Variants in FGF14 observed in about 807,000 individuals in gnomAD.
The protein encoded by FGF14 is fibroblast growth factor 14.
FGF14 carries 5 observed loss-of-function variants against 25.5 expected under a neutral mutation model. That is an observed-to-expected ratio of 0.20 (90% CI 0.10 to 0.41). The LOEUF (loss-of-function observed/expected upper bound fraction) is 0.41, where lower values mean the gene tolerates loss of function less well. Ranked by LOEUF, FGF14 falls within the 10% of genes least tolerant of loss-of-function variation. FGF14 has a pLI of 1.00. For synonymous variants in FGF14, 138 were observed against 118.3 expected (o/e 1.17, Z -1.08); for missense variants, 222 against 320.1 (o/e 0.69, Z 2.34).
chr13:101,732,532 C>T (rs1012024688), intron 3 of FGF14, among the ~76,000 whole-genome samples: 1 of 152,162 alleles, frequency 6.6e-6, no homozygotes, highest in Non-Finnish European at 1.5e-5. Flanking sequence ...AATAATGACC[C>T]TCATCCTGGA....
At chr13:101,842,508 G>A (rs998167752) in intron 3 of FGF14, among the ~76,000 whole-genome samples, 9 of 152,060 alleles carry the variant, frequency 5.9e-5, no homozygotes, top group African/African-American at 2.2e-4. Flanking sequence ...AAGAGGATTG[G>A]TGAATACATG....
At chr13:101,978,404 T>A (rs1458028859) in intron 1 of FGF14, among the ~76,000 whole-genome samples, 2 of 152,186 alleles carry the variant, frequency 1.3e-5, no homozygotes, top group Admixed American at 6.5e-5. Flanking sequence ...GGTTTCTGAT[T>A]TTAATCATAA....
chr13:101,766,142 C>T (rs2033277889), intron 3 of FGF14, among the ~76,000 whole-genome samples: 1 of 152,158 alleles, frequency 6.6e-6, no homozygotes, highest in Non-Finnish European at 1.5e-5. Context: ...AATTTTATAA[C>T]CAGAAACTGT....
intron 3 of FGF14, among the ~76,000 whole-genome samples, chr13:101,814,357 CAT>C (rs1336077702): frequency 6.6e-6 from 1 of 152,294 alleles, no homozygotes; most frequent in African/African-American, 2.4e-5. Flanking sequence ...AACTGAAAAA[CAT>C]GTGAAATAAA....
intron 1 of FGF14, among the ~76,000 whole-genome samples, chr13:102,162,828 A>G (rs1021138002): frequency 3.9e-5 from 6 of 152,118 alleles, no homozygotes; most frequent in African/African-American, 1.4e-4. Flanking sequence ...TTTCTATTGT[A>G]TGTGCAGTGA....
rs372070422 is a variant in FGF14, at chr13:102,119,014, GTTGATTCAGCCAAACATCA to G, written c.209-243737_209-243719del. ...AACCCCTAATGAATTCAGTAAAACT[GTTGATTCAGCCAAACATCA>G]TCACTGGATGCTAGGATCTTTATAA... On this transcript the variant is annotated intron_variant, in intron 1 of 4. Transcript: ENST00000376131. Among the ~76,000 whole-genome samples, 1,201 of 152,208 alleles carry G rather than the reference GTTGATTCAGCCAAACATCA, an allele frequency of 7.9e-3. 15 individuals carry two copies. Among genetic ancestry groups the G allele is most frequent in the African/African-American group, 0.026 (1,094 of 41,532 alleles).
chr13:101,855,658 A>C (rs2044088502), intron 3 of FGF14, among the ~76,000 whole-genome samples: 1 of 151,944 alleles, frequency 6.6e-6, no homozygotes, highest in Admixed American at 6.6e-5. Context: ...CATATTTTGG[A>C]CCTGATAGTT....
intron 1 of FGF14, among the ~76,000 whole-genome samples, chr13:102,116,114 TAAAC>T (rs540290720): frequency 0.012 from 1,889 of 152,002 alleles, 39 homozygotes; most frequent in African/African-American, 0.043. Flanking sequence ...CCATCTCAAA[TAAAC>T]AAACAAACAA....
chr13:101,790,002 A>C (rs919654793), intron 3 of FGF14, among the ~76,000 whole-genome samples: 6 of 151,748 alleles, frequency 4.0e-5, no homozygotes, highest in African/African-American at 1.2e-4. Context: ...TTTGGTCTTC[A>C]ACCAGATGTT....
chr13:101,951,193 G>C (rs1329351371), intron 1 of FGF14, among the ~76,000 whole-genome samples: 1 of 152,096 alleles, frequency 6.6e-6, no homozygotes, highest in Admixed American at 6.5e-5. Flanking sequence ...CTTTATTAAG[G>C]AACAAACATG....
At chr13:102,253,278 T>G (rs2052280083) in intron 1 of FGF14, among the ~76,000 whole-genome samples, 1 of 152,194 alleles carries the variant, frequency 6.6e-6, no homozygotes, top group African/African-American at 2.4e-5. Flanking sequence ...TAGTTTACAC[T>G]CCCACCAACA....
At chr13:101,881,114 T>C (rs981543470) in intron 1 of FGF14, among the ~76,000 whole-genome samples, 5 of 152,216 alleles carry the variant, frequency 3.3e-5, no homozygotes, top group Non-Finnish European at 7.3e-5. Flanking sequence ...GTAAGAATCC[T>C]GCTTAATACT....
intron 3 of FGF14, among the ~76,000 whole-genome samples, chr13:101,812,118 T>TA (rs1308441262): frequency 6.6e-6 from 1 of 152,150 alleles, no homozygotes; most frequent in Non-Finnish European, 1.5e-5. Flanking sequence ...ATTCATCTAT[T>TA]AAAAAAGAGA....
intron 1 of FGF14, among the ~76,000 whole-genome samples, chr13:101,932,629 C>G (rs1275254384): frequency 1.3e-5 from 2 of 150,362 alleles, no homozygotes; most frequent in African/African-American, 4.9e-5. Flanking sequence ...AGCTTTGTTT[C>G]TTGAGCCACA....
intron 3 of FGF14, among the ~76,000 whole-genome samples, chr13:101,760,322 A>G (rs371584660): frequency 7.2e-5 from 11 of 152,292 alleles, no homozygotes; most frequent in African/African-American, 2.6e-4. Flanking sequence ...TTCACCCTCT[A>G]TTAAAAAGGC....
At chr13:101,994,027 A>G (rs2039048938) in intron 1 of FGF14, among the ~76,000 whole-genome samples, 1 of 152,096 alleles carries the variant, frequency 6.6e-6, no homozygotes, top group Non-Finnish European at 1.5e-5. Context: ...CTTACATGTG[A>G]TAATAGTATA....
intron 1 of FGF14, among the ~76,000 whole-genome samples, chr13:102,388,232 C>T (rs2058351314): frequency 6.6e-6 from 1 of 152,156 alleles, no homozygotes; most frequent in African/African-American, 2.4e-5. Flanking sequence ...TAGTCAAAGC[C>T]ATTCTCCCCT....
intron 1 of FGF14, among the ~76,000 whole-genome samples, chr13:102,375,980 G>C (rs1401340955): frequency 5.3e-5 from 8 of 152,034 alleles, no homozygotes; most frequent in Non-Finnish European, 1.5e-5. Flanking sequence ...TCTCCACATT[G>C]ACATCGAAAT....
chr13:101,877,543 C>G (rs757604160), intron 1 of FGF14, among the ~76,000 whole-genome samples: 15 of 152,112 alleles, frequency 9.9e-5, no homozygotes, highest in Non-Finnish European at 1.9e-4. Flanking sequence ...CAGCTCTGGA[C>G]CCTGCCCACT....
Sources: gnomAD v4.1 joint callset for allele counts (sites outside exome capture counted in the v4.1 genomes callset) on GRCh38, gnomAD v4.1.1 for gene constraint, MANE v1.5 for transcripts, NCBI Gene and HGNC (gene_info 2026-07-23, HGNC 2026-07-21) for gene names.